Variants in MTHFD1L observed in about 807,000 individuals in gnomAD.
The protein encoded by MTHFD1L is methylenetetrahydrofolate dehydrogenase (NADP+ dependent) 1 like.
In MTHFD1L, 81 loss-of-function variants were observed where a neutral mutation model predicts 119.5. The ratio of observed to expected loss-of-function variants is 0.68; its 90% CI spans 0.57 to 0.82. The LOEUF is 0.82. Among genes scored for constraint, MTHFD1L ranks in the 40% least tolerant of loss-of-function variants. The probability of loss-of-function intolerance (pLI) is 0.00; values close to 1 mark genes in which losing one functional copy is unlikely to be tolerated. For synonymous variants in MTHFD1L, 430 were observed against 475.2 expected, an observed-to-expected ratio of 0.90 and a Z score of 1.24; for missense variants, 1,125 against 1,253.4, an observed-to-expected ratio of 0.90 and a Z score of 1.55.
Position 151,099,513 on chromosome 6 carries a change from C to A in MTHFD1L, c.*32-2013C>A, listed in dbSNP as rs183932694. 1.4e-5 allele frequency: 22 copies of A among 1,565,034 alleles called. 1 individual carries two copies. In the South Asian group the frequency reaches 1.7e-4, roughly 12 times the overall value. On this transcript the variant is annotated intron_variant, in intron 27 of 27. Transcript: ENST00000367321. ...CTGCCTATGGAGGTGGCAGCCATCT[C>A]CTCCTCGGCATCTTGGCCGCCCTCA...
chr6:150,997,810 C>T (rs1378170252), intron 20 of MTHFD1L, among the ~76,000 whole-genome samples: 1 of 152,160 alleles, frequency 6.6e-6, no homozygotes, highest in Non-Finnish European at 1.5e-5. Flanking sequence ...TGACTAATAA[C>T]ACCAGCAATA....
At chr6:151,043,663 A>G (rs1231034969) in intron 26 of MTHFD1L, among the ~76,000 whole-genome samples, 7 of 152,286 alleles carry the variant, frequency 4.6e-5, no homozygotes, top group African/African-American at 1.4e-4. Flanking sequence ...TTGACTTCGC[A>G]TTGAGGCAGT....
chr6:151,055,372 T>C (rs765895410), intron 26 of MTHFD1L, among the ~76,000 whole-genome samples: 10 of 152,190 alleles, frequency 6.6e-5, no homozygotes, highest in Non-Finnish European at 1.3e-4. Flanking sequence ...CCAGCACCTC[T>C]TGAGGTAGAT....
intron 13 of MTHFD1L, among the ~76,000 whole-genome samples, chr6:150,941,337 G>A (rs1207399117): frequency 2.0e-5 from 3 of 152,182 alleles, no homozygotes; most frequent in Admixed American, 6.5e-5. Flanking sequence ...CAGCTCTGTC[G>A]AGCGATTGCA....
At chr6:150,964,855 G>A (rs936403605) in intron 18 of MTHFD1L, 114 bp from the exon 19 acceptor site, 12 of 855,764 alleles carry the variant, frequency 1.4e-5, no homozygotes, top group Non-Finnish European at 2.1e-5. Context: ...CTGTGGCCCA[G>A]GGTTGCCTGT....
intron 20 of MTHFD1L, among the ~76,000 whole-genome samples, chr6:150,989,708 A>G (rs766862930): frequency 1.3e-5 from 2 of 152,254 alleles, no homozygotes; most frequent in African/African-American, 4.8e-5. Context: ...ATGAGCACAT[A>G]GAATAAAACT....
At chr6:150,868,321 A>G (rs949253347) in intron 1 of MTHFD1L, among the ~76,000 whole-genome samples, 2 of 150,560 alleles carry the variant, frequency 1.3e-5, no homozygotes, top group Non-Finnish European at 2.9e-5. Flanking sequence ...CAAGTCCCTC[A>G]ACAAATGGTG....
chr6:150,914,752 A>G (rs1283781359), intron 8 of MTHFD1L, among the ~76,000 whole-genome samples: 3 of 152,230 alleles, frequency 2.0e-5, no homozygotes, highest in Non-Finnish European at 4.4e-5. Context: ...TCAAGGACTT[A>G]GTTTTTATGC....
At chr6:151,080,318 T>A (rs1793022109) in intron 26 of MTHFD1L, among the ~76,000 whole-genome samples, 1 of 152,216 alleles carries the variant, frequency 6.6e-6, no homozygotes, top group South Asian at 2.1e-4. Flanking sequence ...TTTCTCCCAC[T>A]TATACTTGTG....
In MTHFD1L at chr6:151,039,872, G is replaced by A. The variant is rs145899972; in HGVS notation, c.2847+2755G>A. ...AGAAGTTGCAGTAAGCCAAGATTGC[G>A]CCATTGCACTTCAGCCTGGGTGACA... On this transcript the variant is annotated intron_variant, in intron 26 of 27. Transcript: ENST00000367321. This position sits in a 1 kb window ranked among gnomAD's most constrained non-coding sequence, Gnocchi z 4.4. Among the ~76,000 whole-genome samples the A allele has an allele frequency of 4.1e-4, 63 of 152,174 alleles. No individual in the cohort carries two copies. Among genetic ancestry groups the A allele is most frequent in the East Asian group, 3.1e-3 (16 of 5,160 alleles).
rs572939880 is a variant in MTHFD1L at position 151,047,725 on chromosome 6, A to G, written c.2847+10608A>G. 2.0e-5 allele frequency among the ~76,000 whole-genome samples: 3 copies of G among 152,228 alleles called. No homozygotes were observed. In the East Asian group the frequency reaches 5.8e-4, roughly 29 times the overall value. On this transcript the variant is annotated intron_variant, in intron 26 of 27. Transcript: ENST00000367321. ...AAAGTTACTTACTGTGCTTCCCTGTACCTTCCGTCATCCAGTTCCCAGACA... is the reference window on the plus strand; with the variant it reads ...AAAGTTACTTACTGTGCTTCCCTGTGCCTTCCGTCATCCAGTTCCCAGACA...
At chr6:150,992,192 G>A (rs749747296) in intron 20 of MTHFD1L, among the ~76,000 whole-genome samples, 7 of 152,168 alleles carry the variant, frequency 4.6e-5, no homozygotes, top group Non-Finnish European at 8.8e-5. Flanking sequence ...GGACTCCTTC[G>A]TCAGTAAGAG....
chr6:151,011,393 T>C (rs1413720826), intron 21 of MTHFD1L, among the ~76,000 whole-genome samples: 1 of 150,220 alleles, frequency 6.7e-6, no homozygotes, highest in South Asian at 2.1e-4. Context: ...CTGAAAATTA[T>C]AGAAAGGGCT....
intron 8 of MTHFD1L, among the ~76,000 whole-genome samples, chr6:150,909,640 C>T (rs1786528930): frequency 6.6e-6 from 1 of 152,130 alleles, no homozygotes; most frequent in Non-Finnish European, 1.5e-5. Context: ...CATTTTGTAC[C>T]CTAAATATTA....
At chr6:151,058,443 T>A (rs1167137297) in intron 26 of MTHFD1L, among the ~76,000 whole-genome samples, 2 of 152,220 alleles carry the variant, frequency 1.3e-5, no homozygotes, top group Non-Finnish European at 1.5e-5. Flanking sequence ...TGTGTTTTGC[T>A]TGCTTTGAAG....
rs145772878 is a variant in MTHFD1L at position 151,013,401 on chromosome 6, T to C, written c.2266-378T>C. Among the ~76,000 whole-genome samples the C allele has an allele frequency of 8.5e-5, 13 of 152,296 alleles. No individual in the cohort carries two copies. In the East Asian group the frequency reaches 2.5e-3, roughly 29 times the overall value. ...ATTACCGTAAAATGATTTCGAATGG[T>C]GATGTACTCTGTATAAATCAAGTAT... On this transcript the variant is annotated intron_variant, in intron 21 of 27. Coordinates refer to ENST00000367321, the MANE Select transcript of MTHFD1L (RefSeq NM_015440.5).
At chr6:151,068,907 G>T (rs1466663107) in intron 26 of MTHFD1L, among the ~76,000 whole-genome samples, 1 of 151,986 alleles carries the variant, frequency 6.6e-6, no homozygotes, top group African/African-American at 2.4e-5. Flanking sequence ...TTTTGAACTT[G>T]GCTCAATTTC....
chr6:150,943,436 A>C (rs986757135), intron 13 of MTHFD1L, among the ~76,000 whole-genome samples: 1 of 152,032 alleles, frequency 6.6e-6, no homozygotes, highest in Non-Finnish European at 1.5e-5. Flanking sequence ...TCTGAGACCA[A>C]CCTGTGCAAC....
At chr6:151,043,377 G>A (rs189202768) in intron 26 of MTHFD1L, among the ~76,000 whole-genome samples, 17 of 142,102 alleles carry the variant, frequency 1.2e-4, no homozygotes, top group Admixed American at 5.4e-4. Flanking sequence ...TGATACTCCT[G>A]CCTCAGCCTC....
Sources: gnomAD v4.1 joint callset for allele counts (sites outside exome capture counted in the v4.1 genomes callset) on GRCh38, gnomAD v4.1.1 for gene constraint, Gnocchi (gnomAD v3.1) non-coding constraint, MANE v1.5 for transcripts, NCBI Gene and HGNC (gene_info 2026-07-23, HGNC 2026-07-21) for gene names.